The following FSTL4 variants were observed in gnomAD, a reference collection of about 807,000 sequenced individuals.
FSTL4 encodes the protein follistatin-related protein 4.
In FSTL4, 28 loss-of-function variants were observed where a neutral mutation model predicts 78.2. The observed-to-expected ratio is 0.36, with a 90% CI of 0.27 to 0.49. The LOEUF is 0.49. FSTL4 is among the 20% of genes least tolerant of loss of function. FSTL4 has a pLI of 0.98. For synonymous variants in FSTL4, 422 were observed against 440.5 expected, an observed-to-expected ratio of 0.96 and a Z score of 0.53; for missense variants, 922 against 1,084.9, an observed-to-expected ratio of 0.85 and a Z score of 2.11.
chr5:133,466,496 A>G (rs186596227), intron 3 of FSTL4, among the ~76,000 whole-genome samples: 4 of 151,840 alleles, frequency 2.6e-5, no homozygotes, highest in African/African-American at 9.7e-5. Flanking sequence ...GAGCCGAGAT[A>G]GCGCCACTGC....
the FSTL4 span, among the ~76,000 whole-genome samples, chr5:133,711,517 T>C: frequency 1.3e-5 from 2 of 152,178 alleles, no homozygotes; most frequent in African/African-American, 2.4e-5. Flanking sequence ...TCTCTTCCCA[T>C]GGGAAAAGGC....
At chr5:133,372,045 T>C (rs528153322) in intron 4 of FSTL4, among the ~76,000 whole-genome samples, 54 of 152,274 alleles carry the variant, frequency 3.5e-4, no homozygotes, top group African/African-American at 1.2e-3. Flanking sequence ...GCATTTGAAA[T>C]TGGCCTCCCT....
intron 2 of FSTL4, among the ~76,000 whole-genome samples, chr5:133,576,748 C>A (rs960932335): frequency 3.3e-5 from 5 of 152,140 alleles, no homozygotes; most frequent in African/African-American, 1.2e-4. Context: ...AATTTATGAA[C>A]CAATTAGTAC....
intron 3 of FSTL4, among the ~76,000 whole-genome samples, chr5:133,548,476 G>A (rs1759626234): frequency 6.6e-6 from 1 of 152,004 alleles, no homozygotes; most frequent in Non-Finnish European, 1.5e-5. Context: ...TAGGAATAAG[G>A]CCTATACATT....
At chr5:133,245,914 A>G (rs1752026873) in intron 7 of FSTL4, among the ~76,000 whole-genome samples, 1 of 152,228 alleles carries the variant, frequency 6.6e-6, no homozygotes, top group Non-Finnish European at 1.5e-5. Flanking sequence ...TGTCATTAGA[A>G]TGGCATTCTG....
At chr5:133,276,980 G>C (rs1041560064) in intron 6 of FSTL4, among the ~76,000 whole-genome samples, 1 of 152,148 alleles carries the variant, frequency 6.6e-6, no homozygotes, top group Non-Finnish European at 1.5e-5. Flanking sequence ...TTGATACAAA[G>C]TTCAAACATA....
the FSTL4 span, among the ~76,000 whole-genome samples, chr5:133,682,331 A>G: frequency 5.3e-5 from 8 of 152,212 alleles, no homozygotes; most frequent in Non-Finnish European, 1.0e-4. Flanking sequence ...AGTCTGTCCC[A>G]GATCATAGCA....
intron 13 of FSTL4, among the ~76,000 whole-genome samples, chr5:133,210,514 C>T (rs528919531): frequency 1.3e-3 from 195 of 151,036 alleles, no homozygotes; most frequent in African/African-American, 4.1e-3. Context: ...ATTTTTGAGA[C>T]GGAGTCTTGC....
the FSTL4 span, among the ~76,000 whole-genome samples, chr5:133,718,698 C>T: frequency 1.1e-4 from 17 of 152,290 alleles, no homozygotes; most frequent in African/African-American, 3.6e-4. Flanking sequence ...TCTTCAACCA[C>T]ATTTTGATTT....
intron 4 of FSTL4, among the ~76,000 whole-genome samples, chr5:133,400,066 G>A (rs1756179936): frequency 6.6e-6 from 1 of 152,210 alleles, no homozygotes; most frequent in African/African-American, 2.4e-5. Flanking sequence ...TAATACATAA[G>A]CGCATAAGAC....
chr5:133,782,897 G>A, the FSTL4 span, among the ~76,000 whole-genome samples: 2 of 152,290 alleles, frequency 1.3e-5, no homozygotes, highest in East Asian at 3.9e-4. Flanking sequence ...ACCTCACGCT[G>A]CTCTATGGGA....
chr5:133,380,917 T>C (rs893380230), intron 4 of FSTL4, among the ~76,000 whole-genome samples: 9 of 152,028 alleles, frequency 5.9e-5, no homozygotes, highest in Non-Finnish European at 1.3e-4. Context: ...CCCAGGAATG[T>C]AAGATTGGTT....
intron 3 of FSTL4, among the ~76,000 whole-genome samples, chr5:133,452,493 C>G (rs1282275525): frequency 6.6e-6 from 1 of 152,218 alleles, no homozygotes; most frequent in Non-Finnish European, 1.5e-5. Context: ...AATGGAAATT[C>G]CTCCAGAAAC....
chr5:133,348,110 T>C (rs1754736262), intron 4 of FSTL4, among the ~76,000 whole-genome samples: 1 of 152,236 alleles, frequency 6.6e-6, no homozygotes, highest in Non-Finnish European at 1.5e-5. Context: ...GGCTGAATGT[T>C]ATGGTCTCAG....
chr5:133,204,008 G>T (rs529874911), intron 14 of FSTL4, among the ~76,000 whole-genome samples: 1 of 152,202 alleles, frequency 6.6e-6, no homozygotes, highest in Non-Finnish European at 1.5e-5. Flanking sequence ...ATTTGCTGCC[G>T]TATGGGCTTG....
At chr5:133,255,594 T>A (rs1752362983) in intron 6 of FSTL4, among the ~76,000 whole-genome samples, 1 of 152,242 alleles carries the variant, frequency 6.6e-6, no homozygotes, top group African/African-American at 2.4e-5. Flanking sequence ...GCACAAGGCA[T>A]GGCACACAGT....
At chr5:133,776,589 A>G in the FSTL4 span, among the ~76,000 whole-genome samples, 1 of 152,066 alleles carries the variant, frequency 6.6e-6, no homozygotes, top group South Asian at 2.1e-4. Context: ...TGAAGCAAAT[A>G]CCTTTATTTC....
chr5:133,467,140 A>G (rs1008775874), intron 3 of FSTL4, among the ~76,000 whole-genome samples: 3 of 149,868 alleles, frequency 2.0e-5, no homozygotes, highest in Admixed American at 1.3e-4. Context: ...GTGTGTGTGT[A>G]TATGTGTATG....
At chr5:133,453,578 C>T (rs745554645) in intron 3 of FSTL4, among the ~76,000 whole-genome samples, 1 of 152,196 alleles carries the variant, frequency 6.6e-6, no homozygotes, top group Admixed American at 6.5e-5. Context: ...GGGGCCAGCC[C>T]TGACTCTTGC....
Sources: gnomAD v4.1 joint callset for allele counts (sites outside exome capture counted in the v4.1 genomes callset) on GRCh38, gnomAD v4.1.1 for gene constraint, MANE v1.5 for transcripts, NCBI Gene and HGNC (gene_info 2026-07-23, HGNC 2026-07-21) for gene names.